The following UBTD1 variants were observed in gnomAD, a reference collection of about 807,000 sequenced individuals.
UBTD1 encodes ubiquitin domain-containing protein 1.
A neutral mutation model predicts 21.7 loss-of-function variants in UBTD1; 19 were observed. That is an observed-to-expected ratio of 0.87 (90% CI 0.61 to 1.28). The LOEUF (loss-of-function observed/expected upper bound fraction) is 1.28, where lower values mean the gene tolerates loss of function less well. Ranked by LOEUF, UBTD1 falls within the 50% of genes most tolerant of loss-of-function variation. The pLI is 0.00. For missense variants in UBTD1, 282 were observed against 315.1 expected, an observed-to-expected ratio of 0.89 and a Z score of 0.80; for synonymous variants, 116 against 135.1, an observed-to-expected ratio of 0.86 and a Z score of 0.98.
intron 1 of UBTD1, among the ~76,000 whole-genome samples, chr10:97,526,854 C>CAAAAAAA (rs35330483): frequency 1.6e-5 from 1 of 63,304 alleles, no homozygotes; most frequent in Non-Finnish European, 2.9e-5. Flanking sequence ...GACTCCGTCT[C>CAAAAAAA]AAAAAAAAAA....
intron 1 of UBTD1, among the ~76,000 whole-genome samples, chr10:97,535,968 A>AATTATTATTATTATTATTATTGTT (rs780853034): frequency 0.03 from 2,673 of 90,154 alleles, 96 homozygotes; most frequent in African/African-American, 0.081. Context: ...GTTGGAGAGA[A>AATTATTATTATTATTATTATTGTT]ATTATTATTA....
chr10:97,499,987 G>T (rs2135646959), intron 1 of UBTD1, among the ~76,000 whole-genome samples: 1 of 152,292 alleles, frequency 6.6e-6, no homozygotes, highest in Middle Eastern at 3.4e-3. Flanking sequence ...ATTTCGCCCC[G>T]GGAAGAGGTC....
intron 1 of UBTD1, among the ~76,000 whole-genome samples, chr10:97,521,625 G>A (rs1378585408): frequency 2.6e-5 from 4 of 152,260 alleles, no homozygotes; most frequent in Non-Finnish European, 5.9e-5. Flanking sequence ...GCCACCCTCA[G>A]GCAGGCAGGA....
intron 1 of UBTD1, among the ~76,000 whole-genome samples, chr10:97,530,915 T>G (rs1042814042): frequency 1.3e-5 from 2 of 152,026 alleles, no homozygotes; most frequent in African/African-American, 4.8e-5. Context: ...TGAGACGGAG[T>G]CTGGCTCTGT....
At chr10:97,508,974 C>T (rs1046827211) in intron 1 of UBTD1, among the ~76,000 whole-genome samples, 2 of 152,220 alleles carry the variant, frequency 1.3e-5, no homozygotes, top group African/African-American at 4.8e-5. Context: ...ATTGTCCTTG[C>T]TCTGCAAACT....
intron 1 of UBTD1, among the ~76,000 whole-genome samples, chr10:97,548,202 C>CTTT (rs2040620157): frequency 6.6e-6 from 1 of 152,206 alleles, no homozygotes; most frequent in East Asian, 1.9e-4. Flanking sequence ...GCTACAGTGT[C>CTTT]TTTTTACACA....
intron 1 of UBTD1, among the ~76,000 whole-genome samples, chr10:97,500,137 C>T (rs541803386): frequency 1.3e-5 from 2 of 152,332 alleles, no homozygotes; most frequent in African/African-American, 4.8e-5. Context: ...TGTGTCAAAG[C>T]CCAGATCCTG....
intron 1 of UBTD1, among the ~76,000 whole-genome samples, chr10:97,517,761 G>A (rs1265079251): frequency 6.6e-6 from 1 of 152,152 alleles, no homozygotes; most frequent in Non-Finnish European, 1.5e-5. Context: ...CTGGGGGTGA[G>A]TAGAGAACAG....
intron 1 of UBTD1, among the ~76,000 whole-genome samples, chr10:97,554,867 T>C (rs1376457639): frequency 6.6e-6 from 1 of 152,170 alleles, no homozygotes; most frequent in Non-Finnish European, 1.5e-5. Flanking sequence ...AGTGAACATT[T>C]TTAAATGTCA....
rs536281206 is a variant in UBTD1 at position 97,554,012 on chromosome 10, T to A, written c.71-13902T>A. Among the ~76,000 whole-genome samples the A allele has an allele frequency of 2.0e-5, 3 of 152,220 alleles. No homozygotes were observed. In the South Asian group the frequency reaches 6.2e-4, roughly 32 times the overall value. ...GCTACTCTGGGGGAGCTTGAGAGGT[T>A]TGCAAGCCAAGGCAGCATCCTTCAG... On this transcript the variant is annotated intron_variant, in intron 1 of 2. Coordinates refer to ENST00000370664, the MANE Select transcript of UBTD1 (RefSeq NM_024954.5).
chr10:97,529,328 C>A (rs2040514093), intron 1 of UBTD1, among the ~76,000 whole-genome samples: 2 of 151,950 alleles, frequency 1.3e-5, no homozygotes, highest in African/African-American at 4.8e-5. Context: ...GATGGGCGGC[C>A]AGGCAGAGAC....
intron 1 of UBTD1, among the ~76,000 whole-genome samples, chr10:97,511,956 G>A (rs769908246): frequency 6.6e-6 from 1 of 152,100 alleles, no homozygotes; most frequent in African/African-American, 2.4e-5. Flanking sequence ...GAGAGTGGAG[G>A]AGCTGCTGTT....
chr10:97,533,126 G>A (rs928502222), intron 1 of UBTD1, among the ~76,000 whole-genome samples: 1 of 152,218 alleles, frequency 6.6e-6, no homozygotes, highest in Non-Finnish European at 1.5e-5. Flanking sequence ...CCCTGCCCAG[G>A]GCTGCCAGCC....
At chr10:97,506,257 G>T (rs985767875) in intron 1 of UBTD1, among the ~76,000 whole-genome samples, 1 of 152,154 alleles carries the variant, frequency 6.6e-6, no homozygotes, top group Non-Finnish European at 1.5e-5. Context: ...CTTAAATCCT[G>T]TTCAAGGCTC....
At chr10:97,510,019 A>G (rs994905377) in intron 1 of UBTD1, among the ~76,000 whole-genome samples, 1 of 150,888 alleles carries the variant, frequency 6.6e-6, no homozygotes, top group South Asian at 2.1e-4. Flanking sequence ...CTGGAGTGCA[A>G]TGGCACAATC....
intron 1 of UBTD1, among the ~76,000 whole-genome samples, chr10:97,510,950 G>A (rs1009953087): frequency 6.6e-6 from 1 of 152,098 alleles, no homozygotes; most frequent in African/African-American, 2.4e-5. Context: ...AGTAGGTCAA[G>A]GCTGTGAGTG....
At chr10:97,554,224 A>G (rs932090116) in intron 1 of UBTD1, among the ~76,000 whole-genome samples, 1 of 145,074 alleles carries the variant, frequency 6.9e-6, no homozygotes, top group African/African-American at 2.5e-5. Context: ...AAAAGTGAAC[A>G]TTTTATTTTT....
rs527371917 is a variant in UBTD1, at chr10:97,507,769, C to T, written c.70+8496C>T. ...CAAGCCTAACGACAGAGCAAGACTCCGTCTCAAAAAAAAAAAAAAAAAAAA... is the reference window on the plus strand; with the variant it reads ...CAAGCCTAACGACAGAGCAAGACTCTGTCTCAAAAAAAAAAAAAAAAAAAA... On this transcript the variant is annotated intron_variant, in intron 1 of 2. Transcript: ENST00000370664. Among the ~76,000 whole-genome samples, 9 of 121,208 alleles carry T rather than the reference C, an allele frequency of 7.4e-5. No individual in the cohort carries two copies. The East Asian group carries it at 1.7e-3, about 23-fold the overall frequency. 79.5% of individuals were successfully genotyped at this position (121,208 alleles called of 152,430 possible). A position where few individuals can be genotyped will look rare whatever the true frequency, so the allele number is the denominator to read the frequency against.
rs73330721 is a variant in UBTD1 at position 97,515,557 on chromosome 10, G to A, written c.70+16284G>A. On this transcript the variant is annotated intron_variant, in intron 1 of 2. Transcript: ENST00000370664. Reference sequence around the variant, plus strand: ...CTTCATGGAGGACTCAGGACCCCACGGCAGGGTTGCTGCCTGGCCTTAAGC... The same window carrying A: ...CTTCATGGAGGACTCAGGACCCCACAGCAGGGTTGCTGCCTGGCCTTAAGC... Among the ~76,000 whole-genome samples, 510 of 152,276 alleles carry A rather than the reference G, an allele frequency of 3.3e-3. 4 individuals carry two copies. The highest frequency in any genetic ancestry group is 0.012 in the African/African-American group (479 of 41,532).
Sources: gnomAD v4.1 joint callset for allele counts (sites outside exome capture counted in the v4.1 genomes callset) on GRCh38, gnomAD v4.1.1 for gene constraint, MANE v1.5 for transcripts, NCBI Gene and HGNC (gene_info 2026-07-23, HGNC 2026-07-21) for gene names.